PCDH9: variants seen among roughly 807,000 people sequenced by gnomAD.
PCDH9 encodes protocadherin 9.
Under a neutral mutation model 70.6 loss-of-function variants are expected in PCDH9, and 24 were observed. The observed-to-expected ratio is 0.34, with a 90% CI of 0.25 to 0.48. The LOEUF is 0.48. Among genes scored for constraint, PCDH9 ranks in the 20% least tolerant of loss-of-function variants. PCDH9 has a pLI of 0.99. For missense variants in PCDH9, 1,281 were observed against 1,503.6 expected, an observed-to-expected ratio of 0.85 and a Z score of 2.45; for synonymous variants, 562 against 558.5, an observed-to-expected ratio of 1.01 and a Z score of -0.09.
At chr13:66,646,032 C>G (rs1359033346) in intron 3 of PCDH9, among the ~76,000 whole-genome samples, 1 of 152,186 alleles carries the variant, frequency 6.6e-6, no homozygotes, top group Non-Finnish European at 1.5e-5. Flanking sequence ...AATAATAACT[C>G]TACAAAAGCC....
At chr13:66,668,008 A>C (rs1309956868) in intron 3 of PCDH9, among the ~76,000 whole-genome samples, 2 of 152,214 alleles carry the variant, frequency 1.3e-5, no homozygotes, top group Admixed American at 6.5e-5. Flanking sequence ...CTAATTTTAC[A>C]GTGGAATAAA....
At chr13:66,513,716 A>C (rs145201522) in intron 4 of PCDH9, among the ~76,000 whole-genome samples, 1 of 151,920 alleles carries the variant, frequency 6.6e-6, no homozygotes. Flanking sequence ...AACCTTTCTT[A>C]AGTAAAAAAA....
chr13:66,388,990 T>G (rs1956975434), intron 4 of PCDH9, among the ~76,000 whole-genome samples: 1 of 152,190 alleles, frequency 6.6e-6, no homozygotes, highest in South Asian at 2.1e-4. Context: ...ATGCAACATT[T>G]TATTTTAGAT....
chr13:66,578,266 T>C (rs2076842169), intron 4 of PCDH9, among the ~76,000 whole-genome samples: 1 of 152,122 alleles, frequency 6.6e-6, no homozygotes, highest in Non-Finnish European at 1.5e-5. Context: ...AATGTGATAT[T>C]TACCTACTCA....
intron 2 of PCDH9, among the ~76,000 whole-genome samples, chr13:67,051,322 G>T (rs1227931495): frequency 6.6e-6 from 1 of 151,144 alleles, no homozygotes; most frequent in African/African-American, 2.4e-5. Context: ...TTTGGGAGGT[G>T]GGTCTGCATG....
intron 4 of PCDH9, among the ~76,000 whole-genome samples, chr13:66,550,826 A>G (rs992091054): frequency 6.6e-6 from 1 of 152,172 alleles, no homozygotes; most frequent in African/African-American, 2.4e-5. Context: ...ACGAACACTC[A>G]TTCTTTACCT....
intron 4 of PCDH9, among the ~76,000 whole-genome samples, chr13:66,532,886 C>T (rs1194527596): frequency 6.6e-6 from 1 of 152,120 alleles, no homozygotes; most frequent in Non-Finnish European, 1.5e-5. Flanking sequence ...GTATTTCAGA[C>T]TAGGTGACAA....
chr13:66,830,075 G>A (rs934825153), intron 3 of PCDH9, among the ~76,000 whole-genome samples: 12 of 152,042 alleles, frequency 7.9e-5, no homozygotes, highest in Non-Finnish European at 1.5e-4. Context: ...TAAAGCCAGT[G>A]CAAACATTTT....
intron 4 of PCDH9, among the ~76,000 whole-genome samples, chr13:66,584,180 G>A (rs1465317195): frequency 6.6e-6 from 1 of 152,070 alleles, no homozygotes; most frequent in East Asian, 1.9e-4. Context: ...TTGTGATTCG[G>A]TTATTAGATA....
At chr13:66,538,098 C>A (rs1294263186) in intron 4 of PCDH9, among the ~76,000 whole-genome samples, 1 of 152,074 alleles carries the variant, frequency 6.6e-6, no homozygotes, top group Admixed American at 6.6e-5. Flanking sequence ...CTCAAAAAGT[C>A]TTTCGTGCTA....
chr13:66,576,010 C>T (rs1161024825), intron 4 of PCDH9, among the ~76,000 whole-genome samples: 2 of 150,162 alleles, frequency 1.3e-5, no homozygotes, highest in Non-Finnish European at 3.0e-5. Context: ...AAGCTAGACA[C>T]TTTGGATTAT....
At chr13:66,574,824 A>G (rs374170662) in intron 4 of PCDH9, among the ~76,000 whole-genome samples, 1 of 152,164 alleles carries the variant, frequency 6.6e-6, no homozygotes. Flanking sequence ...TCAGCCACAA[A>G]CAATTCCACT....
At position 66,359,223 on chromosome 13, in the gene PCDH9, TA is replaced by T. The variant is rs1956429827; in HGVS notation, c.3341-54196del. Among the ~76,000 whole-genome samples, 5 of 152,182 alleles carry T rather than the reference TA, an allele frequency of 3.3e-5. No individual in the cohort carries two copies. In the South Asian group the frequency reaches 1.0e-3, roughly 32 times the overall value. On this transcript the variant is annotated intron_variant, in intron 4 of 4. Transcript: ENST00000377865. The stretch of plus-strand genomic sequence containing the variant: ...AAAGTCATTACATTCCTTATTGTAT[TA>T]TTTTTTTCATCTGAAAGACATTTGA...
intron 4 of PCDH9, among the ~76,000 whole-genome samples, chr13:66,558,464 G>C (rs1961844071): frequency 6.6e-6 from 1 of 152,000 alleles, no homozygotes; most frequent in Admixed American, 6.6e-5. Context: ...ATTTTGCTGG[G>C]CCTCTGGTGA....
chr13:66,329,461 C>T (rs166503), intron 4 of PCDH9, among the ~76,000 whole-genome samples: 132,290 of 152,198 alleles, frequency 0.87, 58,777 homozygotes, highest in Non-Finnish European at 0.96. Context: ...ATCTTTCCTC[C>T]TCATTTCCCA....
chr13:67,006,043 G>A (rs1020488436), intron 2 of PCDH9, among the ~76,000 whole-genome samples: 2 of 152,116 alleles, frequency 1.3e-5, no homozygotes, highest in African/African-American at 2.4e-5. Context: ...TGGCTAACAC[G>A]GTGAAACCCC....
At chr13:66,521,299 C>G (rs1566388330) in intron 4 of PCDH9, among the ~76,000 whole-genome samples, 1 of 151,908 alleles carries the variant, frequency 6.6e-6, no homozygotes, top group Non-Finnish European at 1.5e-5. Context: ...GAAACATTTC[C>G]TTCACATTTT....
At chr13:66,434,248 T>G (rs1170127659) in intron 4 of PCDH9, among the ~76,000 whole-genome samples, 1 of 151,938 alleles carries the variant, frequency 6.6e-6, no homozygotes, top group Non-Finnish European at 1.5e-5. Flanking sequence ...CAATACTCTT[T>G]AACTTACAAA....
At chr13:66,359,506 A>C (rs1163885849) in intron 4 of PCDH9, among the ~76,000 whole-genome samples, 5 of 152,020 alleles carry the variant, frequency 3.3e-5, no homozygotes, top group Admixed American at 2.6e-4. Flanking sequence ...GTTCCTAAAA[A>C]TAAAATAGAA....
Sources: gnomAD v4.1 joint callset for allele counts (sites outside exome capture counted in the v4.1 genomes callset) on GRCh38, gnomAD v4.1.1 for gene constraint, MANE v1.5 for transcripts, NCBI Gene and HGNC (gene_info 2026-07-23, HGNC 2026-07-21) for gene names.